Variants in ATAD2 observed in about 807,000 individuals in gnomAD.
ATAD2 encodes ATPase family AAA domain containing 2, also known as ATPase family AAA domain-containing protein 2.
A neutral mutation model predicts 168.9 loss-of-function variants in ATAD2; 62 were observed. The observed-to-expected ratio is 0.37, with a 90% CI of 0.30 to 0.45. The LOEUF (loss-of-function observed/expected upper bound fraction) is 0.45, where lower values mean the gene tolerates loss of function less well. Ranked by LOEUF, ATAD2 falls within the 20% of genes least tolerant of loss-of-function variation. The probability of loss-of-function intolerance (pLI) is 1.00; values close to 1 mark genes in which losing one functional copy is unlikely to be tolerated. For missense variants in ATAD2, 1,419 were observed against 1,667.8 expected (o/e 0.85, Z 2.60); for synonymous variants, 613 against 571.6 (o/e 1.07, Z -1.03).
rs779763677 is a variant in ATAD2 at position 123,396,438 on chromosome 8, T to C, written c.-81A>G. The C allele has an allele frequency of 5.3e-5, 73 of 1,379,648 alleles. No homozygotes were observed. The highest frequency in any genetic ancestry group is 3.2e-4 in the Admixed American group (11 of 33,850). 85.5% of individuals were successfully genotyped at this position (1,379,648 alleles called of 1,614,324 possible). The stretch of plus-strand genomic sequence containing the variant: ...GCTCGCAGCTCTGGCTCTTCCGCGC[T>C]CCGAATTCTGGCGCCACAAGCTCCG... On this transcript the variant is annotated 5_prime_UTR_variant, in exon 1 of 28. Coordinates refer to ENST00000287394, the MANE Select transcript of ATAD2 (RefSeq NM_014109.4).
At chr8:123,386,932 T>C (rs1364270937) in intron 1 of ATAD2, among the ~76,000 whole-genome samples, 1 of 149,450 alleles carries the variant, frequency 6.7e-6, no homozygotes, top group African/African-American at 2.4e-5. Flanking sequence ...AAAAAAATTA[T>C]GTGGGAGTCC....
Position 123,339,333 on chromosome 8 carries a change from A to C in ATAD2, c.2832T>G (p.Pro944=). ...EDLILKQAAK[P]PISKKKAVLQ... Reference sequence around the variant, plus strand: ...AACCTGCTTTCTTTTTTGATATAGGAGGCTTAGCAGCTTGTTTTAGAATTA... The same window carrying C: ...AACCTGCTTTCTTTTTTGATATAGGCGGCTTAGCAGCTTGTTTTAGAATTA... Residue 944 remains proline, a synonymous_variant, in exon 20 of 28, where the codon CCT becomes CCG. Coordinates refer to ENST00000287394, the MANE Select transcript of ATAD2 (RefSeq NM_014109.4). The C allele has an allele frequency of 1.9e-6, 3 of 1,580,258 alleles. No homozygotes were observed. Among genetic ancestry groups the C allele is most frequent in the Non-Finnish European group, 2.6e-6 (3 of 1,162,232 alleles).
chr8:123,390,371 T>C (rs1456969717), intron 1 of ATAD2, among the ~76,000 whole-genome samples: 5 of 152,144 alleles, frequency 3.3e-5, no homozygotes, highest in Admixed American at 6.5e-5. Context: ...AGATCCCTGT[T>C]CTAGCTCTTC....
At chr8:123,370,136 T>TAAAA in intron 6 of ATAD2, 112 bp from the exon 7 acceptor site, 4 of 623,788 alleles carry the variant, frequency 6.4e-6, no homozygotes, top group Non-Finnish European at 1.0e-5. Context: ...TATCTACTCC[T>TAAAA]AAAAAAAAAA....
chr8:123,335,409 GA>G (rs1827887783), intron 22 of ATAD2, among the ~76,000 whole-genome samples: 1 of 152,004 alleles, frequency 6.6e-6, no homozygotes, highest in African/African-American at 2.4e-5. Flanking sequence ...TTCAATTGTT[GA>G]AAAAAATTTT....
chr8:123,334,043 T>G (rs187547132), intron 23 of ATAD2, 22 bp from the exon 24 acceptor site: 6 of 1,592,546 alleles, frequency 3.8e-6, no homozygotes, highest in Non-Finnish European at 5.1e-6. Flanking sequence ...ATATGTGGGA[T>G]GTCAAAAGGA....
chr8:123,361,232 G>A (rs192271417), intron 9 of ATAD2, among the ~76,000 whole-genome samples: 5 of 151,626 alleles, frequency 3.3e-5, no homozygotes, highest in East Asian at 1.9e-4. Context: ...CAGGAGAGTC[G>A]TGTGAACCCG....
At chr8:123,321,931 T>C (rs1415873818) in intron 27 of ATAD2, among the ~76,000 whole-genome samples, 1 of 151,892 alleles carries the variant, frequency 6.6e-6, no homozygotes, top group African/African-American at 2.4e-5. Flanking sequence ...AAATAAGTAT[T>C]AATGCTCTAA....
Position 123,337,786 on chromosome 8 carries a change from G to T in ATAD2, c.2890C>A (p.Pro964Thr). The T allele has an allele frequency of 6.2e-7, 1 of 1,611,612 alleles. No individual in the cohort carries two copies. The highest frequency in any genetic ancestry group is 8.5e-7 in the Non-Finnish European group (1 of 1,178,954). The change falls in exon 21 of 28, where the codon CCA becomes ACA. Residue 964 changes from proline (P) to threonine (T), a missense_variant. Physicochemically the swap from Pro to Thr is conservative, Grantham distance 38. Coordinates refer to ENST00000287394, the MANE Select transcript of ATAD2 (RefSeq NM_014109.4). ...QALEVLPVAP[P>T]PEPRSLTAEE... is the part of the protein sequence containing the mutation. ...GCTGTCAGTGATCTTGGCTCAGGTG[G>T]TGGTGCTACTGGGAGTACCTCCAAA...
upstream of ATAD2, among the ~76,000 whole-genome samples, chr8:123,400,025 A>G (rs1812975764): frequency 6.6e-6 from 1 of 151,906 alleles, no homozygotes; most frequent in Non-Finnish European, 1.5e-5. This position sits in a 1 kb window ranked among gnomAD's most constrained non-coding sequence, Gnocchi z 4.5. Context: ...TTAGCCAGGC[A>G]TGGTGGCACA....
intron 8 of ATAD2, among the ~76,000 whole-genome samples, chr8:123,362,593 T>C (rs1828859936): frequency 6.6e-6 from 1 of 151,752 alleles, no homozygotes; most frequent in Non-Finnish European, 1.5e-5. Context: ...CTTTTTTTTT[T>C]TTTCGATAGA....
At position 123,387,988 on chromosome 8, in the gene ATAD2, T is replaced by C. The variant is rs552447174; in HGVS notation, c.172-7311A>G. Among the ~76,000 whole-genome samples, 36 of 152,336 alleles carry C rather than the reference T, an allele frequency of 2.4e-4. 1 individual carries two copies. The South Asian group carries it at 7.2e-3, about 31-fold the overall frequency. On this transcript the variant is annotated intron_variant, in intron 1 of 27. Transcript: ENST00000287394. ...TTAAACAACAGTATATTCTAATACA[T>C]GATATACATGTTATATCACTATAGT...
At chr8:123,338,959 C>T (rs1827992418) in intron 20 of ATAD2, among the ~76,000 whole-genome samples, 1 of 152,010 alleles carries the variant, frequency 6.6e-6, no homozygotes, top group African/African-American at 2.4e-5. Flanking sequence ...AGAAGCTTTA[C>T]TGATGAGAGA....
Position 123,412,470 on chromosome 8 carries a change from T to C in ATAD2, c.-2282+3778A>G, listed in dbSNP as rs375738756. On this transcript the variant is annotated intron_variant, in intron 1 of 28. Coordinates refer to the ATAD2 transcript ENST00000521903. ...TTTAAGAGATGAGGGTCTCACTCTG[T>C]TGCCCAGGCTGGAGTGCAGTGGCGT... Among the ~76,000 whole-genome samples, 15 of 152,308 alleles carry C rather than the reference T, an allele frequency of 9.8e-5. No individual in the cohort carries two copies. The East Asian group carries it at 1.9e-3, about 20-fold the overall frequency.
rs1299787529 is a variant in ATAD2 at position 123,359,346 on chromosome 8, G to A, written c.1267-10C>T. 1 of 1,565,934 alleles carries A rather than the reference G, an allele frequency of 6.4e-7. No homozygotes were observed. Among genetic ancestry groups the A allele is most frequent in the African/African-American group, 1.4e-5 (1 of 73,150 alleles). ...CACTATCAAATCGTACCTGGTAATG[G>A]AAGCGAACATGTACATTTTTAGATT... is the stretch of plus-strand genomic sequence containing the variant. On this transcript the variant is annotated splice_polypyrimidine_tract_variant and intron_variant, in intron 10 of 27. Coordinates refer to ENST00000287394, the MANE Select transcript of ATAD2 (RefSeq NM_014109.4).
At position 123,396,413 on chromosome 8, in the gene ATAD2, G is replaced by GGA; in HGVS notation, c.-57_-56insTC. On this transcript the variant is annotated 5_prime_UTR_variant, in exon 1 of 28. Transcript: ENST00000287394. ...ACCGGAGAGAGATCCAGCTCCAGGCGCTCGCAGCTCTGGCTCTTCCGCGCT... is the reference window on the plus strand; with the variant it reads ...ACCGGAGAGAGATCCAGCTCCAGGCGGACTCGCAGCTCTGGCTCTTCCGCGCT... 2.1e-6 allele frequency: 3 copies of GGA among 1,457,650 alleles called. No individual in the cohort carries two copies. Among genetic ancestry groups the GGA allele is most frequent in the Middle Eastern group, 2.4e-4 (1 of 4,196 alleles). 90.3% of individuals were successfully genotyped at this position (1,457,650 alleles called of 1,614,324 possible).
chr8:123,332,338 G>C (rs986227100), intron 24 of ATAD2, among the ~76,000 whole-genome samples: 1 of 152,086 alleles, frequency 6.6e-6, no homozygotes, highest in Admixed American at 6.5e-5. Flanking sequence ...TCCACCAACA[G>C]AAGAAACTCA....
At chr8:123,408,074 A>G (rs1234599932) in intron 1 of ATAD2, among the ~76,000 whole-genome samples, 3 of 152,204 alleles carry the variant, frequency 2.0e-5, no homozygotes, top group Non-Finnish European at 4.4e-5. Context: ...TCTTTTAGGA[A>G]TGTTGCAAAT....
chr8:123,329,818 T>C (rs1032292533), intron 24 of ATAD2, among the ~76,000 whole-genome samples: 2 of 150,532 alleles, frequency 1.3e-5, no homozygotes, highest in African/African-American at 4.9e-5. Flanking sequence ...ATTATCATCA[T>C]CATTTTACAG....
Sources: gnomAD v4.1 joint callset for allele counts (sites outside exome capture counted in the v4.1 genomes callset) on GRCh38, gnomAD v4.1.1 for gene constraint, Gnocchi (gnomAD v3.1) non-coding constraint, MANE v1.5 for transcripts, NCBI Gene and HGNC (gene_info 2026-07-23, HGNC 2026-07-21) for gene names.